Variants in SLC17A1 observed in about 807,000 individuals in gnomAD.
SLC17A1 encodes the protein solute carrier family 17 member 1.
SLC17A1 carries 51 observed loss-of-function variants against 53.5 expected under a neutral mutation model. That is an observed-to-expected ratio of 0.95 (90% CI 0.76 to 1.20). The LOEUF (loss-of-function observed/expected upper bound fraction) is 1.20, where lower values mean the gene tolerates loss of function less well. Among genes scored for constraint, SLC17A1 ranks in the 50% most tolerant of loss-of-function variants. The pLI, the probability that SLC17A1 is intolerant of heterozygous loss-of-function variation, is 0.00. For missense variants in SLC17A1, 538 were observed against 568.2 expected, an observed-to-expected ratio of 0.95 and a Z score of 0.54; for synonymous variants, 179 against 198.8, an observed-to-expected ratio of 0.90 and a Z score of 0.84.
chr6:25,825,321 A>ACAAAAATTGAAAGT lies in SLC17A1; in HGVS notation c.207+1139_207+1140insACTTTCAATTTTTG, dbSNP rs201969496. Among the ~76,000 whole-genome samples, 865 of 152,118 alleles carry ACAAAAATTGAAAGT rather than the reference A, an allele frequency of 5.7e-3. 7 individuals are homozygous for ACAAAAATTGAAAGT. The highest frequency in any genetic ancestry group is 0.02 in the African/African-American group (835 of 41,546). ...GTATATATGAAGGGAAAATTGAAGGACAAAAATTGAAAGACAATAAAGGCT... is the reference window on the plus strand; with the variant it reads ...GTATATATGAAGGGAAAATTGAAGGACAAAAATTGAAAGTCAAAAATTGAAAGACAATAAAGGCT... On this transcript the variant is annotated intron_variant, in intron 3 of 12. Transcript: ENST00000244527.
intron 2 of SLC17A1, among the ~76,000 whole-genome samples, chr6:25,827,547 C>G (rs1482907275): frequency 1.3e-5 from 2 of 152,118 alleles, no homozygotes; most frequent in African/African-American, 4.8e-5. Context: ...ATGGCCCCCT[C>G]CATCTCCAAA....
In SLC17A1 at chr6:25,811,675, G is replaced by A. The variant is rs140503390; in HGVS notation, c.993C>T (p.Leu331=). 2.0e-5 allele frequency: 32 copies of A among 1,613,810 alleles called. No individual in the cohort carries two copies. Among genetic ancestry groups the A allele is most frequent in the Non-Finnish European group, 2.5e-5 (30 of 1,179,858 alleles). Residue 331 remains leucine (L), a synonymous_variant, in exon 9 of 13, where the codon CTC becomes CTT. Coordinates refer to ENST00000244527, the MANE Select transcript of SLC17A1 (RefSeq NM_005074.5). Reference sequence around the variant, plus strand: ...AGAGTTTCCGGACAGCAATTACGCTGAGAATATTCCTGGTCAGGAAGAAGT... The same window carrying A: ...AGAGTTTCCGGACAGCAATTACGCTAAGAATATTCCTGGTCAGGAAGAAGT... ...LSDFFLTRNI[L]SVIAVRKLFT... is the part of the protein sequence containing the mutation.
chr6:25,768,907 T>C, the SLC17A1 span: 1 of 1,300,736 alleles, frequency 7.7e-7, no homozygotes, highest in Non-Finnish European at 1.1e-6. Flanking sequence ...CAGATACCAA[T>C]CTTCTCCTTC....
intron 3 of SLC17A1, among the ~76,000 whole-genome samples, chr6:25,824,581 C>T (rs9467618): frequency 0.26 from 39,169 of 151,298 alleles, 5,382 homozygotes; most frequent in African/African-American, 0.35. Context: ...TATTCTGTTA[C>T]GAGATGCCTT....
chr6:25,756,686 T>C, the SLC17A1 span, among the ~76,000 whole-genome samples: 50 of 152,316 alleles, frequency 3.3e-4, no homozygotes, highest in East Asian at 8.3e-3. Context: ...TTTCTGGTTA[T>C]AATAAGTAAA....
chr6:25,816,310 A>C (rs1456522029), intron 6 of SLC17A1, among the ~76,000 whole-genome samples: 1 of 152,228 alleles, frequency 6.6e-6, no homozygotes, highest in African/African-American at 2.4e-5. Flanking sequence ...TGCACCATTC[A>C]TATCTTATGC....
At chr6:25,760,046 G>A in the SLC17A1 span, among the ~76,000 whole-genome samples, 1 of 152,156 alleles carries the variant, frequency 6.6e-6, no homozygotes, top group Non-Finnish European at 1.5e-5. Context: ...ACAAGTGGGA[G>A]GATGCAGCTT....
chr6:25,780,283 C>A (rs1265006429), downstream of SLC17A1: 1 of 152,150 alleles, frequency 6.6e-6, no homozygotes, highest in African/African-American at 2.4e-5. Flanking sequence ...CTCGGGAGGG[C>A]AGATAACTTT....
chr6:25,782,320 C>T (rs1763284116), downstream of SLC17A1, among the ~76,000 whole-genome samples: 1 of 152,202 alleles, frequency 6.6e-6, no homozygotes, highest in African/African-American at 2.4e-5. Flanking sequence ...TCAGCTGCTT[C>T]ATTTATGACA....
intron 6 of SLC17A1, 115 bp from the exon 7 acceptor site, chr6:25,813,328 G>T: frequency 2.4e-6 from 2 of 824,136 alleles, no homozygotes; most frequent in Admixed American, 2.2e-5. Flanking sequence ...TTTCTTTTTT[G>T]AAACTTTTCA....
At chr6:25,749,606 A>G in the SLC17A1 span, among the ~76,000 whole-genome samples, 1 of 152,006 alleles carries the variant, frequency 6.6e-6, no homozygotes. Flanking sequence ...ATAGATTTTT[A>G]TTTTTCCCAA....
the SLC17A1 span, chr6:25,732,619 C>A: frequency 8.9e-7 from 1 of 1,123,984 alleles, no homozygotes; most frequent in Non-Finnish European, 1.3e-6. Flanking sequence ...GCCTCCGACA[C>A]CCTGGAGTTG....
At chr6:25,812,022 G>T (rs917751752) in intron 8 of SLC17A1, among the ~76,000 whole-genome samples, 1 of 152,154 alleles carries the variant, frequency 6.6e-6, no homozygotes, top group African/African-American at 2.4e-5. Flanking sequence ...AAAAGCACTG[G>T]ATAATAGAGG....
the SLC17A1 span, chr6:25,761,829 TCTTATA>T: frequency 1.5e-6 from 1 of 663,984 alleles, no homozygotes; most frequent in Non-Finnish European, 2.5e-6. Flanking sequence ...CTACCACTTT[TCTTATA>T]CAGCAACATT....
intron 12 of SLC17A1, among the ~76,000 whole-genome samples, chr6:25,796,268 G>T (rs1372754800): frequency 1.3e-5 from 2 of 152,126 alleles, no homozygotes; most frequent in South Asian, 2.1e-4. Context: ...AACTAAGGCT[G>T]TATTGACAAA....
chr6:25,735,781 G>T, the SLC17A1 span, among the ~76,000 whole-genome samples: 1 of 152,108 alleles, frequency 6.6e-6, no homozygotes, highest in East Asian at 1.9e-4. Context: ...TTCATGACTT[G>T]CTCTTCAGAA....
the SLC17A1 span, among the ~76,000 whole-genome samples, chr6:25,732,288 G>A: frequency 2.6e-5 from 4 of 152,226 alleles, no homozygotes; most frequent in African/African-American, 9.6e-5. Flanking sequence ...AATAGGTAGA[G>A]TATGTAAATA....
chr6:25,819,415 G>C, intron 5 of SLC17A1, 96 bp downstream of exon 5: 2 of 1,030,164 alleles, frequency 1.9e-6, no homozygotes, highest in Non-Finnish European at 3.0e-6. Flanking sequence ...CAAAGCCCTT[G>C]ACCATTCAAA....
At chr6:25,727,178 C>T in the SLC17A1 span, 4 of 1,614,132 alleles carry the variant, frequency 2.5e-6, no homozygotes, top group South Asian at 3.3e-5. Flanking sequence ...AGCGCTCCAC[C>T]ATTTCTTCCA....
Sources: gnomAD v4.1 joint callset for allele counts (sites outside exome capture counted in the v4.1 genomes callset) on GRCh38, gnomAD v4.1.1 for gene constraint, MANE v1.5 for transcripts, NCBI Gene and HGNC (gene_info 2026-07-23, HGNC 2026-07-21) for gene names.